Variants in PKD1L1 observed in about 807,000 individuals in gnomAD.
PKD1L1 encodes the protein polycystin 1 like 1, transient receptor potential channel interacting, also known as polycystin-1-like protein 1.
In PKD1L1, 236 loss-of-function variants were observed where a neutral mutation model predicts 323.4. The observed-to-expected ratio is 0.73, with a 90% CI of 0.66 to 0.81. The LOEUF is 0.81. PKD1L1 is among the 40% of genes least tolerant of loss of function. The probability of loss-of-function intolerance (pLI) is 0.00; values close to 1 mark genes in which losing one functional copy is unlikely to be tolerated. For missense variants in PKD1L1, 3,320 were observed against 3,508.0 expected (o/e 0.95, Z 1.35); for synonymous variants, 1,344 against 1,335.0 (o/e 1.01, Z -0.15).
At chr7:47,870,223 G>T (rs1026949586) in intron 24 of PKD1L1, among the ~76,000 whole-genome samples, 11 of 151,674 alleles carry the variant, frequency 7.3e-5, no homozygotes, top group African/African-American at 2.4e-4. Context: ...CAAGTACAAG[G>T]CGGGGAAAAA....
At chr7:47,960,412 AAAG>A in the PKD1L1 span, among the ~76,000 whole-genome samples, 3 of 148,670 alleles carry the variant, frequency 2.0e-5, no homozygotes, top group African/African-American at 7.3e-5. Context: ...AAAGAAAAAA[AAAG>A]AGCTCCATAT....
At chr7:47,905,758 C>G in intron 10 of PKD1L1, 85 bp downstream of exon 10, 1 of 1,555,202 alleles carries the variant, frequency 6.4e-7, no homozygotes, top group Non-Finnish European at 8.7e-7. Flanking sequence ...GATAACAAAA[C>G]CTGCTGCTGC....
chr7:47,885,825 C>G lies in PKD1L1; in HGVS notation c.3066G>C (p.Ala1022=), dbSNP rs372072831. The G allele has an allele frequency of 1.2e-6, 2 of 1,614,176 alleles. No homozygotes were observed. Among genetic ancestry groups the G allele is most frequent in the Admixed American group, 3.3e-5 (2 of 60,026 alleles). ...PMTGVYWIPP[A]GDSAVLGEAP... is the part of the protein sequence containing the mutation. ...CCTCCCCCAGGACTGCAGAGTCCCC[C>G]GCAGGAGGAATCCAGTAGACTCCAG... The change falls in exon 18 of 57, where the codon GCG becomes GCC. Residue 1022 remains alanine, a synonymous_variant. Coordinates refer to ENST00000289672, the MANE Select transcript of PKD1L1 (RefSeq NM_138295.5).
chr7:47,953,760 T>C, the PKD1L1 span, among the ~76,000 whole-genome samples: 1 of 152,212 alleles, frequency 6.6e-6, no homozygotes, highest in Non-Finnish European at 1.5e-5. Context: ...AAGTCCAGCA[T>C]CCCATCAAGC....
At chr7:47,941,752 T>C (rs911329358) in intron 2 of PKD1L1, among the ~76,000 whole-genome samples, 8 of 152,188 alleles carry the variant, frequency 5.3e-5, no homozygotes, top group African/African-American at 1.9e-4. Context: ...AAGTGACTCA[T>C]ATTTCTCTGA....
intron 12 of PKD1L1, 86 bp from the exon 13 acceptor site, chr7:47,902,597 G>A (rs1323302210): frequency 6.9e-7 from 1 of 1,455,648 alleles, no homozygotes; most frequent in East Asian, 2.3e-5. Context: ...ACTCATATCT[G>A]CAGAATTATA....
chr7:47,957,448 C>G, the PKD1L1 span: 1 of 152,192 alleles, frequency 6.6e-6, no homozygotes, highest in East Asian at 1.9e-4. Flanking sequence ...ACCAAAAAAA[C>G]TGTTCGAACT....
At chr7:47,911,164 TG>T (rs1323782216) in intron 8 of PKD1L1, among the ~76,000 whole-genome samples, 2 of 152,156 alleles carry the variant, frequency 1.3e-5, no homozygotes, top group Non-Finnish European at 2.9e-5. Flanking sequence ...CATCCTTTGG[TG>T]GTGTCCTTGC....
rs181370752 is a variant in PKD1L1, at chr7:47,806,572, T to G, written c.7827+1675A>C. ...AGTCCTCATCGGGCCCTAATATTGG[T>G]ACCAGGGGAGCAGTAGTGAACAAAA... is the stretch of plus-strand genomic sequence containing the variant. On this transcript the variant is annotated intron_variant, in intron 52 of 56. Coordinates refer to ENST00000289672, the MANE Select transcript of PKD1L1 (RefSeq NM_138295.5). Among the ~76,000 whole-genome samples, 33 of 152,366 alleles carry G rather than the reference T, an allele frequency of 2.2e-4. No homozygotes were observed. In the East Asian group the frequency reaches 6.0e-3, roughly 28 times the overall value.
At chr7:47,845,348 G>A (rs145426050) in intron 32 of PKD1L1, among the ~76,000 whole-genome samples, 3 of 152,174 alleles carry the variant, frequency 2.0e-5, no homozygotes, top group Non-Finnish European at 4.4e-5. Context: ...AGCATATGGC[G>A]GTCTTCATGA....
chr7:47,898,906 A>T (rs569065863), intron 13 of PKD1L1, among the ~76,000 whole-genome samples: 7 of 152,110 alleles, frequency 4.6e-5, no homozygotes, highest in African/African-American at 1.7e-4. Context: ...GCTAAAAAAA[A>T]AAAAGGAGAG....
intron 56 of PKD1L1, among the ~76,000 whole-genome samples, chr7:47,785,743 T>C (rs997707587): frequency 6.9e-5 from 10 of 145,594 alleles, no homozygotes; most frequent in Non-Finnish European, 1.2e-4. Flanking sequence ...GATATTTCTT[T>C]CTTTTTTTTT....
intron 8 of PKD1L1, among the ~76,000 whole-genome samples, chr7:47,912,815 CAAAAAAA>C (rs59792729): frequency 3.1e-5 from 2 of 63,636 alleles, no homozygotes; most frequent in African/African-American, 1.3e-4. Context: ...GACTGTGTCT[CAAAAAAA>C]AAAAAAAAAA....
At chr7:47,960,627 T>A in the PKD1L1 span, among the ~76,000 whole-genome samples, 4 of 150,644 alleles carry the variant, frequency 2.7e-5, no homozygotes, top group African/African-American at 9.7e-5. Flanking sequence ...TTCAGATATG[T>A]ATGTAAGACT....
intron 19 of PKD1L1, among the ~76,000 whole-genome samples, chr7:47,884,080 A>G (rs1281782545): frequency 6.6e-6 from 1 of 152,076 alleles, no homozygotes; most frequent in African/African-American, 2.4e-5. Context: ...AGCAGAAGAC[A>G]CAGACACAGA....
At chr7:47,942,597 C>T (rs1184113580) in intron 2 of PKD1L1, among the ~76,000 whole-genome samples, 1 of 152,084 alleles carries the variant, frequency 6.6e-6, no homozygotes, top group Non-Finnish European at 1.5e-5. Context: ...CTGGCAATTA[C>T]GTTTCAGGCA....
intron 45 of PKD1L1, among the ~76,000 whole-genome samples, chr7:47,821,694 CT>C (rs57150538): frequency 0.96 from 136,471 of 141,476 alleles, 65,840 homozygotes; most frequent in South Asian, 0.99. Flanking sequence ...TTTCCCAGCA[CT>C]TTTTTTTTTT....
At chr7:47,885,077 C>T (rs1242205265) in intron 18 of PKD1L1, among the ~76,000 whole-genome samples, 3 of 152,188 alleles carry the variant, frequency 2.0e-5, no homozygotes, top group East Asian at 3.8e-4. Flanking sequence ...CTGCAAATGT[C>T]GCCTCCTGTC....
intron 23 of PKD1L1, among the ~76,000 whole-genome samples, chr7:47,874,371 G>A (rs1786354831): frequency 6.6e-6 from 1 of 152,166 alleles, no homozygotes; most frequent in Admixed American, 6.5e-5. Flanking sequence ...TGCAGATCAG[G>A]CTCAGAGTGC....
Sources: allele counts gnomAD v4.1 joint callset (sites outside exome capture counted in the v4.1 genomes callset), GRCh38; gene constraint gnomAD v4.1.1; transcripts MANE v1.5; gene names NCBI Gene and HGNC (gene_info 2026-07-23, HGNC 2026-07-21).